FHIT: variants seen among roughly 807,000 people sequenced by gnomAD.
FHIT encodes the protein fragile histidine triad diadenosine triphosphatase.
A neutral mutation model predicts 17.9 loss-of-function variants in FHIT; 19 were observed. The ratio of observed to expected loss-of-function variants is 1.06; its 90% CI spans 0.74 to 1.56. The LOEUF is 1.56. Among genes scored for constraint, FHIT ranks in the 40% most tolerant of loss-of-function variants. The probability of loss-of-function intolerance (pLI) is 0.00; values close to 1 mark genes in which losing one functional copy is unlikely to be tolerated. For synonymous variants in FHIT, 81 were observed against 69.7 expected (o/e 1.16, Z -0.81); for missense variants, 248 against 189.2 (o/e 1.31, Z -1.82).
Position 60,614,836 on chromosome 3 carries a change from TTTTTTG to T in FHIT, c.-17-77863_-17-77858del, listed in dbSNP as rs1559583694. ...TTTTTTTTTGTTTTTTTTTTGTTTT[TTTTTTG>T]TTTTTTGAGATGGAGCCCTGCTCTG... On this transcript the variant is annotated intron_variant, in intron 4 of 9. Transcript: ENST00000492590. 9.4e-4 allele frequency among the ~76,000 whole-genome samples: 70 copies of T among 74,248 alleles called. 9 individuals carry two copies. The highest frequency in any genetic ancestry group is 1.8e-3 in the Admixed American group (12 of 6,592). The allele number at this position is 74,248 out of a possible 152,430, so 48.7% of individuals were successfully genotyped here.
intron 3 of FHIT, among the ~76,000 whole-genome samples, chr3:60,916,922 C>A (rs1707034380): frequency 6.6e-6 from 1 of 152,064 alleles, no homozygotes; most frequent in Non-Finnish European, 1.5e-5. Context: ...ATCCATCTCC[C>A]AAATAGTCAT....
intron 5 of FHIT, among the ~76,000 whole-genome samples, chr3:60,519,122 A>G (rs1271243022): frequency 6.6e-6 from 1 of 152,262 alleles, no homozygotes; most frequent in Non-Finnish European, 1.5e-5. Context: ...GAACAAAGAA[A>G]AAAGTAGAAA....
chr3:61,211,208 T>C (rs1307449280), intron 1 of FHIT, among the ~76,000 whole-genome samples: 1 of 151,884 alleles, frequency 6.6e-6, no homozygotes, highest in East Asian at 2.0e-4. Flanking sequence ...AGGCATTGCC[T>C]CACTCGGGAA....
chr3:59,970,130 A>G (rs376336700), intron 7 of FHIT, among the ~76,000 whole-genome samples: 74 of 152,242 alleles, frequency 4.9e-4, no homozygotes, highest in African/African-American at 1.8e-3. Context: ...TACCTCTGGC[A>G]AGACAAAAAG....
chr3:60,695,558 A>T (rs539173675), intron 4 of FHIT, among the ~76,000 whole-genome samples: 1 of 152,306 alleles, frequency 6.6e-6, no homozygotes, highest in Admixed American at 6.5e-5. Flanking sequence ...CATTTCCTAC[A>T]TCTGTAAACT....
chr3:59,824,940 C>T (rs1700923644), intron 8 of FHIT, among the ~76,000 whole-genome samples: 1 of 152,180 alleles, frequency 6.6e-6, no homozygotes, highest in Non-Finnish European at 1.5e-5. Flanking sequence ...ACACTTTTCC[C>T]TATTGACGAG....
intron 2 of FHIT, among the ~76,000 whole-genome samples, chr3:61,128,532 C>A (rs1386576997): frequency 6.6e-6 from 1 of 152,104 alleles, no homozygotes; most frequent in African/African-American, 2.4e-5. Flanking sequence ...GCTACACAGT[C>A]TTCATGATGA....
intron 5 of FHIT, among the ~76,000 whole-genome samples, chr3:60,128,453 G>A (rs920022133): frequency 3.9e-5 from 6 of 152,170 alleles, no homozygotes; most frequent in Admixed American, 2.0e-4. Context: ...CTCCAGCCAT[G>A]CTGAACTGTG....
chr3:60,322,678 C>G (rs1709486966), intron 5 of FHIT, among the ~76,000 whole-genome samples: 1 of 152,130 alleles, frequency 6.6e-6, no homozygotes, highest in Non-Finnish European at 1.5e-5. Flanking sequence ...CACTGTTAAA[C>G]TGGGAAAAGA....
intron 5 of FHIT, among the ~76,000 whole-genome samples, chr3:60,194,378 AG>A (rs1452584744): frequency 2.0e-5 from 3 of 152,218 alleles, no homozygotes; most frequent in African/African-American, 7.2e-5. Context: ...AAACCTGGAT[AG>A]CCCCATGTAG....
At chr3:61,192,605 A>G (rs2038747987) in intron 2 of FHIT, among the ~76,000 whole-genome samples, 1 of 152,140 alleles carries the variant, frequency 6.6e-6, no homozygotes, top group South Asian at 2.1e-4. Context: ...TGACTTTTTG[A>G]TTATTTGCAG....
At chr3:60,126,151 C>T (rs1379256646) in intron 5 of FHIT, among the ~76,000 whole-genome samples, 2 of 152,094 alleles carry the variant, frequency 1.3e-5, no homozygotes, top group African/African-American at 4.8e-5. Flanking sequence ...ACAGAGATCT[C>T]CTGTTTCTCC....
At chr3:60,656,237 C>A (rs1372714073) in intron 4 of FHIT, among the ~76,000 whole-genome samples, 1 of 152,174 alleles carries the variant, frequency 6.6e-6, no homozygotes, top group Non-Finnish European at 1.5e-5. Flanking sequence ...CTGGGGCTCT[C>A]TCTTCACCCC....
intron 5 of FHIT, among the ~76,000 whole-genome samples, chr3:60,467,480 T>C (rs1328329983): frequency 6.6e-6 from 1 of 152,024 alleles, no homozygotes; most frequent in East Asian, 1.9e-4. Context: ...TTCCTCTGAA[T>C]ACTGCTTTCA....
chr3:60,220,584 G>A (rs1158944554), intron 5 of FHIT, among the ~76,000 whole-genome samples: 1 of 152,032 alleles, frequency 6.6e-6, no homozygotes, highest in Non-Finnish European at 1.5e-5. Context: ...ATATTCAGCA[G>A]AAAAAATTAA....
At chr3:59,863,976 A>G (rs1468384124) in intron 8 of FHIT, among the ~76,000 whole-genome samples, 1 of 152,166 alleles carries the variant, frequency 6.6e-6, no homozygotes, top group Non-Finnish European at 1.5e-5. Flanking sequence ...GCCATGGCCA[A>G]TGAAGGAAAA....
intron 5 of FHIT, among the ~76,000 whole-genome samples, chr3:60,333,289 AG>A (rs1243069399): frequency 1.3e-5 from 2 of 152,226 alleles, no homozygotes; most frequent in African/African-American, 4.8e-5. Flanking sequence ...CCATGAGTCA[AG>A]GGGGAAACAA....
intron 5 of FHIT, among the ~76,000 whole-genome samples, chr3:60,500,822 G>C (rs2107523256): frequency 6.8e-6 from 1 of 147,662 alleles, no homozygotes; most frequent in South Asian, 2.2e-4. Context: ...TATTCATTAG[G>C]TCAGCTGGCT....
intron 5 of FHIT, among the ~76,000 whole-genome samples, chr3:60,320,161 A>G (rs975108685): frequency 2.6e-5 from 4 of 152,230 alleles, no homozygotes; most frequent in Admixed American, 1.3e-4. Flanking sequence ...AAGTACGTTG[A>G]CACTCTTACG....
Sources: gnomAD v4.1 joint callset for allele counts (sites outside exome capture counted in the v4.1 genomes callset) on GRCh38, gnomAD v4.1.1 for gene constraint, MANE v1.5 for transcripts, NCBI Gene and HGNC (gene_info 2026-07-23, HGNC 2026-07-21) for gene names.